Variants in MME observed in about 807,000 individuals in gnomAD.
MME encodes neprilysin.
Under a neutral mutation model 113.2 loss-of-function variants are expected in MME, and 98 were observed. The ratio of observed to expected loss-of-function variants is 0.87; its 90% CI spans 0.74 to 1.02. The LOEUF (loss-of-function observed/expected upper bound fraction) is 1.02, where lower values mean the gene tolerates loss of function less well. MME is among the 50% of genes least tolerant of loss of function. The pLI is 0.00. For missense variants in MME, 836 were observed against 896.0 expected (o/e 0.93, Z 0.86); for synonymous variants, 292 against 300.6 (o/e 0.97, Z 0.30).
In MME at chr3:155,121,682, T is replaced by G. The variant is rs1323969383; in HGVS notation, c.720+2871T>G. Among the ~76,000 whole-genome samples, 149 of 87,836 alleles carry G rather than the reference T, an allele frequency of 1.7e-3. 1 individual carries two copies. Among genetic ancestry groups the G allele is most frequent in the African/African-American group, 5.7e-3 (139 of 24,412 alleles). The allele number at this position is 87,836 out of a possible 152,430, so 57.6% of individuals were successfully genotyped here. On this transcript the variant is annotated intron_variant, in intron 8 of 22. Coordinates refer to ENST00000360490, the MANE Select transcript of MME (RefSeq NM_007289.4). ...TGCATCTATTGAGATAATCATGTGG[T>G]TTTTGTCTTTGGCTCTGTTTATATG...
chr3:155,094,137 A>G (rs937002640), intron 3 of MME, among the ~76,000 whole-genome samples: 7 of 152,220 alleles, frequency 4.6e-5, no homozygotes, highest in Non-Finnish European at 7.3e-5. Context: ...TATAAACTTT[A>G]TTTCAAAGAG....
chr3:155,130,933 G>A (rs1720099058), intron 8 of MME, among the ~76,000 whole-genome samples: 1 of 152,098 alleles, frequency 6.6e-6, no homozygotes, highest in Non-Finnish European at 1.5e-5. Context: ...ACATTCCAAG[G>A]AAACAAGGTC....
chr3:155,068,369 T>G (rs1714452717), intron 1 of MME, among the ~76,000 whole-genome samples: 2 of 152,226 alleles, frequency 1.3e-5, no homozygotes, highest in Non-Finnish European at 2.9e-5. Context: ...CTTGATTGGA[T>G]GACTCTTTCA....
In MME at chr3:155,116,574, T is replaced by G; in HGVS notation, c.439+15T>G. 2 of 1,527,864 alleles carry G rather than the reference T, an allele frequency of 1.3e-6. No individual in the cohort carries two copies. The highest frequency in any genetic ancestry group is 1.8e-4 in the Middle Eastern group (1 of 5,690). The allele number at this position is 1,527,864 out of a possible 1,614,324, so 94.6% of individuals were successfully genotyped here. ...TATAAATGAATGTAAGTGCTCTTCA[T>G]TTGATTTCATTAGGAGTATATATAT... is the stretch of plus-strand genomic sequence containing the variant. On this transcript the variant is annotated intron_variant, in intron 5 of 22. Transcript: ENST00000360490.
chr3:155,126,650 G>A (rs559256206), intron 8 of MME, among the ~76,000 whole-genome samples: 1 of 152,166 alleles, frequency 6.6e-6, no homozygotes, highest in African/African-American at 2.4e-5. Flanking sequence ...CCCCTAGCTT[G>A]CATTCTTATA....
chr3:155,032,476 T>C (rs1471071381), intron 1 of MME, among the ~76,000 whole-genome samples: 1 of 152,092 alleles, frequency 6.6e-6, no homozygotes, highest in African/African-American at 2.4e-5. Flanking sequence ...CCAATGAAAC[T>C]CCTATCTTAA....
rs1281943901 is a variant in MME at position 155,116,560 on chromosome 3, G to C, written c.439+1G>C. 3 of 1,586,350 alleles carry C rather than the reference G, an allele frequency of 1.9e-6. No homozygotes were observed. Among genetic ancestry groups the C allele is most frequent in the Non-Finnish European group, 2.6e-6 (3 of 1,156,516 alleles). On this transcript the variant is annotated splice_donor_variant, in intron 5 of 22. Coordinates refer to ENST00000360490, the MANE Select transcript of MME (RefSeq NM_007289.4). LOFTEE classifies it high-confidence loss of function. ...TTGTACAGGTCTTGTATAAATGAATGTAAGTGCTCTTCATTTGATTTCATT... is the reference window on the plus strand; with the variant it reads ...TTGTACAGGTCTTGTATAAATGAATCTAAGTGCTCTTCATTTGATTTCATT...
chr3:155,161,442 G>A (rs1304990101), intron 17 of MME, among the ~76,000 whole-genome samples: 1 of 151,426 alleles, frequency 6.6e-6, no homozygotes, highest in African/African-American at 2.4e-5. Context: ...CATTTTTATT[G>A]AATTCTATTA....
Position 155,143,462 on chromosome 3 carries a change from C to T in MME, c.1208C>T (p.Ser403Leu), listed in dbSNP as rs867625589. ...CCGTAGGCCCTTTATGGTACAACCTCAGAAACAGCAACTTGGAGACGTTGT... is the reference window on the plus strand; with the variant it reads ...CCGTAGGCCCTTTATGGTACAACCTTAGAAACAGCAACTTGGAGACGTTGT... ...AFRKALYGTTSETATWRRCAN... is the reference protein window; with the variant it reads ...AFRKALYGTTLETATWRRCAN... The change falls in exon 13 of 23, where the codon TCA becomes TTA. Residue 403 changes from serine (S) to leucine (L), a missense_variant. Physicochemically the swap from Ser to Leu is moderately radical, Grantham distance 145. Coordinates refer to ENST00000360490, the MANE Select transcript of MME (RefSeq NM_007289.4). 1 of 1,612,494 alleles carries T rather than the reference C, an allele frequency of 6.2e-7. No homozygotes were observed. The highest frequency in any genetic ancestry group is 8.5e-7 in the Non-Finnish European group (1 of 1,178,808).
intron 3 of MME, among the ~76,000 whole-genome samples, chr3:155,101,321 A>G (rs978074165): frequency 1.3e-5 from 2 of 152,222 alleles, no homozygotes; most frequent in East Asian, 1.9e-4. Flanking sequence ...GTGCATATCA[A>G]CTATGGTAAT....
At position 155,172,592 on chromosome 3, in the gene MME, G is replaced by A. The variant is rs61760409; in HGVS notation, c.2133G>A (p.Val711=). 8.3e-3 allele frequency: 13,307 copies of A among 1,612,612 alleles called. 116 individuals carry two copies. The highest frequency in any genetic ancestry group is 0.031 in the South Asian group (2,856 of 91,052). The change falls in exon 22 of 23, where the codon GTG becomes GTA. Residue 711 remains valine, a synonymous_variant. Coordinates refer to ENST00000360490, the MANE Select transcript of MME (RefSeq NM_007289.4). Reference sequence around the variant, plus strand: ...CGGTTAACTCCATTAAAACAGATGTGCACAGTCCAGGCAATTTCAGGTGCG... The same window carrying A: ...CGGTTAACTCCATTAAAACAGATGTACACAGTCCAGGCAATTTCAGGTGCG... The part of the protein sequence containing the change: ...EYAVNSIKTD[V]HSPGNFRIIG...
At chr3:155,068,467 A>C (rs1714455758) in intron 1 of MME, among the ~76,000 whole-genome samples, 1 of 152,220 alleles carries the variant, frequency 6.6e-6, no homozygotes, top group Admixed American at 6.5e-5. Flanking sequence ...CGCATTAATA[A>C]AGCTGTTGAA....
rs936498824 is a variant in MME at position 155,082,447 on chromosome 3, A to G, written c.-10-1711A>G. On this transcript the variant is annotated intron_variant, in intron 1 of 22. Transcript: ENST00000360490. Reference sequence around the variant, plus strand: ...TTGTTTACCTCTCTGTAAAGTGTCCAGAGTATTATTAAATTTGTTCCCCTC... The same window carrying G: ...TTGTTTACCTCTCTGTAAAGTGTCCGGAGTATTATTAAATTTGTTCCCCTC... Among the ~76,000 whole-genome samples the G allele has an allele frequency of 7.9e-5, 12 of 152,176 alleles. 2 individuals carry two copies. Among genetic ancestry groups the G allele is most frequent in the Non-Finnish European group, 1.5e-5 (1 of 68,040 alleles).
At chr3:155,078,659 ATGTGTGTGTG>A (rs5853711), upstream of MME, among the ~76,000 whole-genome samples, 5 of 141,842 alleles carry the variant, frequency 3.5e-5, no homozygotes, top group Admixed American at 7.1e-5. Context: ...ATGTGTGTGT[ATGTGTGTGTG>A]TGTGTGTGTG....
At chr3:155,158,690 C>T (rs144786286) in intron 16 of MME, 2 of 152,134 alleles carry the variant, frequency 1.3e-5, no homozygotes, top group South Asian at 2.1e-4. Flanking sequence ...CAATTTTAGT[C>T]TAATATCCCT....
At chr3:155,172,311 G>C (rs556821001) in intron 21 of MME, 99 bp downstream of exon 21, 29 of 883,328 alleles carry the variant, frequency 3.3e-5, no homozygotes, top group Middle Eastern at 2.2e-4. Flanking sequence ...GTTTTACAGA[G>C]CATTTGACTT....
intron 17 of MME, among the ~76,000 whole-genome samples, chr3:155,164,886 A>C (rs1009577273): frequency 1.2e-4 from 19 of 152,116 alleles, no homozygotes; most frequent in Admixed American, 3.9e-4. Flanking sequence ...ATTTTTGTAG[A>C]GGTCTGGGGA....
chr3:155,118,919 C>A, intron 8 of MME, 108 bp downstream of exon 8: 1 of 744,158 alleles, frequency 1.3e-6, no homozygotes, highest in South Asian at 1.6e-5. Context: ...TGATGTTTTT[C>A]ATTCATGACA....
intron 13 of MME, 112 bp downstream of exon 13, chr3:155,143,683 C>A: frequency 8.0e-7 from 1 of 1,256,788 alleles, no homozygotes; most frequent in Non-Finnish European, 1.1e-6. Context: ...TTAATTTAGG[C>A]AGAGAACCTC....
Sources: allele counts gnomAD v4.1 joint callset (sites outside exome capture counted in the v4.1 genomes callset), GRCh38; gene constraint gnomAD v4.1.1; transcripts MANE v1.5; gene names NCBI Gene and HGNC (gene_info 2026-07-23, HGNC 2026-07-21).